The following IL1RL2 variants were observed in gnomAD, a reference collection of about 807,000 sequenced individuals.
The protein encoded by IL1RL2 is interleukin-1 receptor-like 2.
IL1RL2 carries 68 observed loss-of-function variants against 66.8 expected under a neutral mutation model. The ratio of observed to expected loss-of-function variants is 1.02; its 90% confidence interval spans 0.84 to 1.25. IL1RL2 has a LOEUF of 1.25. Ranked by LOEUF, IL1RL2 falls within the 50% of genes most tolerant of loss-of-function variation. The pLI, the probability that IL1RL2 is intolerant of heterozygous loss-of-function variation, is 0.00. For synonymous variants in IL1RL2, 305 were observed against 264.6 expected (o/e 1.15, Z -1.48); for missense variants, 729 against 709.3 (o/e 1.03, Z -0.32).
chr2:102,208,893 G>A (rs1166756848), intron 5 of IL1RL2, among the ~76,000 whole-genome samples: 2 of 152,178 alleles, frequency 1.3e-5, no homozygotes, highest in Non-Finnish European at 2.9e-5. Context: ...TGATTTTCCT[G>A]CTCTTGGGTT....
intron 8 of IL1RL2, among the ~76,000 whole-genome samples, chr2:102,220,594 T>C (rs374440108): frequency 1.3e-5 from 2 of 152,162 alleles, no homozygotes; most frequent in African/African-American, 4.8e-5. Flanking sequence ...TCGTAACCTA[T>C]CAGGGGAGGT....
chr2:102,238,774 A>G, intron 11 of IL1RL2, among the ~76,000 whole-genome samples: 1 of 152,110 alleles, frequency 6.6e-6, no homozygotes, highest in East Asian at 1.9e-4. Flanking sequence ...ACACATCTCC[A>G]GTAGTAATAT....
chr2:102,216,182 A>C (rs1352959072), intron 6 of IL1RL2, among the ~76,000 whole-genome samples: 1 of 152,246 alleles, frequency 6.6e-6, no homozygotes, highest in Non-Finnish European at 1.5e-5. Flanking sequence ...GAAATTCAAC[A>C]GATAGATATT....
chr2:102,203,982 T>A (rs1578124808), intron 5 of IL1RL2, among the ~76,000 whole-genome samples: 1 of 152,086 alleles, frequency 6.6e-6, no homozygotes, highest in African/African-American at 2.4e-5. Flanking sequence ...TTAGATTGTT[T>A]GTTTGAAGTT....
intron 5 of IL1RL2, among the ~76,000 whole-genome samples, chr2:102,208,722 C>T (rs970173207): frequency 6.6e-6 from 1 of 152,370 alleles, no homozygotes; most frequent in Non-Finnish European, 1.5e-5. Context: ...AGTCCAGTGA[C>T]TCCCTGAATT....
chr2:102,212,841 C>T (rs1338197308), intron 6 of IL1RL2, among the ~76,000 whole-genome samples: 5 of 151,976 alleles, frequency 3.3e-5, no homozygotes, highest in African/African-American at 9.7e-5. Context: ...TGGTGGCAGG[C>T]GCCTGTAGTC....
At chr2:102,207,308 G>A (rs1048472701) in intron 5 of IL1RL2, among the ~76,000 whole-genome samples, 2 of 152,156 alleles carry the variant, frequency 1.3e-5, no homozygotes. Flanking sequence ...AGCAAAAGGA[G>A]TTTTGCCCTA....
At chr2:102,198,600 G>C (rs559581009) in intron 4 of IL1RL2, among the ~76,000 whole-genome samples, 1 of 152,240 alleles carries the variant, frequency 6.6e-6, no homozygotes, top group South Asian at 2.1e-4. Context: ...CATCAGCTAG[G>C]AACTCCTTTC....
chr2:102,196,209 T>C (rs1687771308), intron 4 of IL1RL2, among the ~76,000 whole-genome samples: 2 of 152,218 alleles, frequency 1.3e-5, no homozygotes, highest in Admixed American at 6.5e-5. Context: ...AAAATTCTGA[T>C]GTTCAGCCTC....
At chr2:102,214,478 G>T (rs1689436653) in intron 6 of IL1RL2, among the ~76,000 whole-genome samples, 1 of 152,116 alleles carries the variant, frequency 6.6e-6, no homozygotes, top group African/African-American at 2.4e-5. Context: ...AACTGAACAA[G>T]AAATTAGGAG....
At chr2:102,201,804 G>T in intron 5 of IL1RL2, 89 bp downstream of exon 5, 1 of 1,292,590 alleles carries the variant, frequency 7.7e-7, no homozygotes. Flanking sequence ...CTTTGAGCAG[G>T]AGTGATTCTA....
chr2:102,208,866 A>G (rs1490518093), intron 5 of IL1RL2, among the ~76,000 whole-genome samples: 6 of 152,208 alleles, frequency 3.9e-5, no homozygotes, highest in Non-Finnish European at 2.9e-5. Context: ...AAGAAAATTA[A>G]TTGTACAAGG....
At chr2:102,228,488 T>C (rs1201093225) in intron 9 of IL1RL2, among the ~76,000 whole-genome samples, 2 of 152,210 alleles carry the variant, frequency 1.3e-5, no homozygotes, top group Non-Finnish European at 1.5e-5. Flanking sequence ...TTCTGTATCT[T>C]CTCTAGCAAG....
At chr2:102,208,280 G>A (rs897668416) in intron 5 of IL1RL2, among the ~76,000 whole-genome samples, 16 of 152,096 alleles carry the variant, frequency 1.1e-4, no homozygotes, top group Admixed American at 3.9e-4. Flanking sequence ...GACAATTGGC[G>A]GATTCTTCTA....
chr2:102,194,177 T>C (rs139436269), intron 4 of IL1RL2, among the ~76,000 whole-genome samples: 1 of 152,204 alleles, frequency 6.6e-6, no homozygotes, highest in Non-Finnish European at 1.5e-5. Flanking sequence ...ATTTATGCTA[T>C]CATAGATTGG....
At chr2:102,238,629 G>A (rs908039540) in intron 11 of IL1RL2, among the ~76,000 whole-genome samples, 3 of 152,122 alleles carry the variant, frequency 2.0e-5, no homozygotes, top group Non-Finnish European at 4.4e-5. Flanking sequence ...TATTGATCTG[G>A]GGCTGTGTAA....
chr2:102,210,152 A>G (rs1000126695), intron 5 of IL1RL2, among the ~76,000 whole-genome samples: 1 of 152,150 alleles, frequency 6.6e-6, no homozygotes, highest in African/African-American at 2.4e-5. Context: ...AGGAAGCATT[A>G]TGTGGATGAT....
chr2:102,208,503 T>C (rs1383651455), intron 5 of IL1RL2, among the ~76,000 whole-genome samples: 1 of 152,236 alleles, frequency 6.6e-6, no homozygotes. Flanking sequence ...AGTAGAAAGT[T>C]GTTTTCTATA....
At position 102,215,611 on chromosome 2, in the gene IL1RL2, C is replaced by T. The variant is rs371553230; in HGVS notation, c.725-3342C>T. ...CCCAGTAGCCCTGCACCTGGCAAGA[C>T]GACACCCCTTTTCCATTGGACCTAC... is the stretch of plus-strand genomic sequence containing the variant. On this transcript the variant is annotated intron_variant, in intron 6 of 11. Coordinates refer to ENST00000264257, the MANE Select transcript of IL1RL2 (RefSeq NM_003854.4). 1.9e-4 allele frequency among the ~76,000 whole-genome samples: 29 copies of T among 152,220 alleles called. No homozygotes were observed. In the Middle Eastern group the frequency reaches 0.01, roughly 54 times the overall value.
Sources: gnomAD v4.1 joint callset for allele counts (sites outside exome capture counted in the v4.1 genomes callset) on GRCh38, gnomAD v4.1.1 for gene constraint, MANE v1.5 for transcripts, NCBI Gene and HGNC (gene_info 2026-07-23, HGNC 2026-07-21) for gene names.